Variants in PPIP5K2 observed in about 807,000 individuals in gnomAD.
The protein encoded by PPIP5K2 is diphosphoinositol pentakisphosphate kinase 2.
A neutral mutation model predicts 154.6 loss-of-function variants in PPIP5K2; 105 were observed. The ratio of observed to expected loss-of-function variants is 0.68; its 90% confidence interval spans 0.58 to 0.80. The LOEUF is 0.80. Among genes scored for constraint, PPIP5K2 ranks in the 30% least tolerant of loss-of-function variants. PPIP5K2 has a pLI of 0.00. For missense variants in PPIP5K2, 992 were observed against 1,504.6 expected (o/e 0.66, Z 5.64); for synonymous variants, 480 against 490.3 (o/e 0.98, Z 0.28).
intron 3 of PPIP5K2, 29 bp from the exon 4 acceptor site, chr5:103,136,703 C>T (rs1791565429): frequency 5.2e-6 from 8 of 1,540,932 alleles, no homozygotes; most frequent in Non-Finnish European, 7.2e-6. Context: ...TGAGATAATA[C>T]AGAATATGTT....
rs1281193013 is a variant in PPIP5K2 at position 103,201,794 on chromosome 5, A to G, written c.*160A>G. 2 of 589,132 alleles carry G rather than the reference A, an allele frequency of 3.4e-6. No homozygotes were observed. Among genetic ancestry groups the G allele is most frequent in the Non-Finnish European group, 5.9e-6 (2 of 339,552 alleles). 36.5% of individuals were successfully genotyped at this position (589,132 alleles called of 1,614,324 possible). A position where few individuals can be genotyped will look rare whatever the true frequency, so the allele number is the denominator to read the frequency against. On this transcript the variant is annotated 3_prime_UTR_variant, in exon 31 of 31. Coordinates refer to ENST00000358359, the MANE Select transcript of PPIP5K2 (RefSeq NM_001276277.3). ...TGTTGTCATGATCTGGAAATGTTTA[A>G]AACAATGTTTGTTAGCATTCTGTGA...
chr5:103,169,652 A>G (rs1797661294), intron 19 of PPIP5K2, among the ~76,000 whole-genome samples: 1 of 151,802 alleles, frequency 6.6e-6, no homozygotes, highest in South Asian at 2.1e-4. Context: ...TTTAAAAATT[A>G]TTTTTAGAAG....
At chr5:103,126,840 C>T (rs894169071) in intron 1 of PPIP5K2, among the ~76,000 whole-genome samples, 33 of 151,592 alleles carry the variant, frequency 2.2e-4, no homozygotes, top group African/African-American at 7.5e-4. Flanking sequence ...CTGCCTTTCC[C>T]GGAACACTGA....
intron 4 of PPIP5K2, 121 bp downstream of exon 4, chr5:103,136,943 A>G: frequency 1.4e-6 from 1 of 715,348 alleles, no homozygotes; most frequent in Non-Finnish European, 2.4e-6. Flanking sequence ...TCAAAATAAT[A>G]CTCAGAAATA....
At chr5:103,197,990 C>T (rs1043881847) in intron 30 of PPIP5K2, among the ~76,000 whole-genome samples, 6 of 151,930 alleles carry the variant, frequency 3.9e-5, no homozygotes, top group Non-Finnish European at 7.4e-5. Flanking sequence ...TTTCTAGTTT[C>T]TTAGGTCATT....
At chr5:103,155,215 T>C (rs1435513904) in intron 13 of PPIP5K2, among the ~76,000 whole-genome samples, 1 of 152,022 alleles carries the variant, frequency 6.6e-6, no homozygotes, top group Non-Finnish European at 1.5e-5. Flanking sequence ...CATTGCTAAC[T>C]TGACCATAGA....
At chr5:103,156,435 G>A (rs992693027) in intron 14 of PPIP5K2, among the ~76,000 whole-genome samples, 1 of 152,090 alleles carries the variant, frequency 6.6e-6, no homozygotes, top group Non-Finnish European at 1.5e-5. Context: ...ACCAGAGTAA[G>A]TCTTTAAACA....
At chr5:103,150,955 T>C (rs1794558288) in intron 8 of PPIP5K2, among the ~76,000 whole-genome samples, 1 of 151,504 alleles carries the variant, frequency 6.6e-6, no homozygotes, top group East Asian at 1.9e-4. Flanking sequence ...TAAATGTTAA[T>C]TGAAGAACTT....
At chr5:103,148,481 T>G (rs1437491471) in intron 7 of PPIP5K2, among the ~76,000 whole-genome samples, 1 of 152,154 alleles carries the variant, frequency 6.6e-6, no homozygotes, top group Non-Finnish European at 1.5e-5. Context: ...AAATAGGTCT[T>G]AATCGCTTTA....
At chr5:103,159,554 A>G (rs1468236466) in intron 17 of PPIP5K2, among the ~76,000 whole-genome samples, 1 of 152,110 alleles carries the variant, frequency 6.6e-6, no homozygotes. Flanking sequence ...CTGACTTTTT[A>G]TATTCTTTTC....
intron 1 of PPIP5K2, among the ~76,000 whole-genome samples, chr5:103,125,598 A>T (rs1789532414): frequency 1.3e-5 from 2 of 151,980 alleles, no homozygotes; most frequent in South Asian, 4.2e-4. Flanking sequence ...TCTTCAAAAT[A>T]ACTGTCTGTA....
Position 103,177,480 on chromosome 5 carries a change from C to T in PPIP5K2, c.2530-187C>T, listed in dbSNP as rs545647135. 2.3e-4 allele frequency among the ~76,000 whole-genome samples: 35 copies of T among 151,990 alleles called. No individual in the cohort carries two copies. The South Asian group carries it at 6.6e-3, about 29-fold the overall frequency. On this transcript the variant is annotated intron_variant, in intron 21 of 30. Transcript: ENST00000358359. ...TGTAGAGATTTTAAAAATATTTTAT[C>T]AAAACAAGCTTAAATAACATACTAA... is the stretch of plus-strand genomic sequence containing the variant.
chr5:103,148,789 C>T (rs560509230), intron 7 of PPIP5K2, among the ~76,000 whole-genome samples: 1 of 151,710 alleles, frequency 6.6e-6, no homozygotes, highest in East Asian at 1.9e-4. Flanking sequence ...TAAAGATGTT[C>T]TTTTGGAAGG....
At position 103,212,103 on chromosome 5, in the gene PPIP5K2, G is replaced by A. The variant is rs1803838539; in HGVS notation, c.*10469G>A. 6.6e-6 allele frequency: 1 copy of A among 152,046 alleles called. No homozygotes were observed. Among genetic ancestry groups the A allele is most frequent in the South Asian group, 2.1e-4 (1 of 4,834 alleles). 9.4% of individuals were successfully genotyped at this position (152,046 alleles called of 1,614,324 possible). A position where few individuals can be genotyped will look rare whatever the true frequency, so the allele number is the denominator to read the frequency against. On this transcript the variant is annotated 3_prime_UTR_variant, in exon 31 of 31. Transcript: ENST00000358359. The stretch of plus-strand genomic sequence containing the variant: ...GAAGAGATAAACAGGGGGTTAGGTT[G>A]TAGATTATATGCATGACAGATTGCT...
Position 103,150,693 on chromosome 5 carries a change from C to A in PPIP5K2, c.907-560C>A, listed in dbSNP as rs575165020. Among the ~76,000 whole-genome samples, 3 of 152,144 alleles carry A rather than the reference C, an allele frequency of 2.0e-5. No individual in the cohort carries two copies. The South Asian group carries it at 6.2e-4, about 32-fold the overall frequency. On this transcript the variant is annotated intron_variant, in intron 8 of 30. Transcript: ENST00000358359. ...GGCTGGGGCACAAGAATTCCTTGAA[C>A]CTGGGAAGTGGAGGTTGCAGTGAGC...
In PPIP5K2 at chr5:103,131,182, C is replaced by CAGTT. The variant is rs376659061; in HGVS notation, c.114+1480_114+1483dup. Among the ~76,000 whole-genome samples the CAGTT allele has an allele frequency of 1.1e-3, 161 of 152,220 alleles. No individual in the cohort carries two copies. In the South Asian group the frequency reaches 0.014, roughly 13 times the overall value. ...CTGTGTCTTTACGTTGCTGTATATACAGTTGTCCTTCAATATCCATGGGGG... is the reference window on the plus strand; with the variant it reads ...CTGTGTCTTTACGTTGCTGTATATACAGTTAGTTGTCCTTCAATATCCATGGGGG... On this transcript the variant is annotated intron_variant, in intron 2 of 30. Transcript: ENST00000358359.
At chr5:103,176,887 G>A (rs1798804811) in intron 21 of PPIP5K2, 1 of 1,446,938 alleles carries the variant, frequency 6.9e-7, no homozygotes, top group Non-Finnish European at 9.3e-7. Flanking sequence ...TCAGAATGAA[G>A]ATGGAGGAAT....
intron 13 of PPIP5K2, among the ~76,000 whole-genome samples, chr5:103,155,406 CTTTTTTTTTTTTTTTTTTTTTTTTTT>C (rs70990423): frequency 4.8e-5 from 1 of 21,050 alleles, no homozygotes; most frequent in Non-Finnish European, 1.3e-4. Context: ...TCAGAGTTGT[CTTTTTTTTTTTTTTTTTTTTTTTTTT>C]TTTTTTTTTT....
chr5:103,130,064 AAAG>A (rs1186985340), intron 2 of PPIP5K2, among the ~76,000 whole-genome samples: 2 of 152,194 alleles, frequency 1.3e-5, no homozygotes, highest in Non-Finnish European at 2.9e-5. Flanking sequence ...TAAAGTTACA[AAAG>A]AAGAAGGATT....
Sources: gnomAD v4.1 joint callset for allele counts (sites outside exome capture counted in the v4.1 genomes callset) on GRCh38, gnomAD v4.1.1 for gene constraint, MANE v1.5 for transcripts, NCBI Gene and HGNC (gene_info 2026-07-23, HGNC 2026-07-21) for gene names.